The following MBD5 variants were observed in gnomAD, a reference collection of about 807,000 sequenced individuals.
MBD5 encodes methyl-CpG-binding domain protein 5.
A neutral mutation model predicts 117.3 loss-of-function variants in MBD5; 13 were observed. The ratio of observed to expected loss-of-function variants is 0.11; its 90% CI spans 0.07 to 0.18. The LOEUF is 0.18. Ranked by LOEUF, MBD5 falls within the 10% of genes least tolerant of loss-of-function variation. The probability of loss-of-function intolerance (pLI) is 1.00; values close to 1 mark genes in which losing one functional copy is unlikely to be tolerated. For missense variants in MBD5, 1,879 were observed against 2,093.8 expected, an observed-to-expected ratio of 0.90 and a Z score of 2.00; for synonymous variants, 727 against 766.4, an observed-to-expected ratio of 0.95 and a Z score of 0.85.
intron 1 of MBD5, among the ~76,000 whole-genome samples, chr2:148,045,439 CTT>C (rs996727431): frequency 6.6e-6 from 1 of 152,146 alleles, no homozygotes; most frequent in African/African-American, 2.4e-5. Context: ...TGTCTCCTCT[CTT>C]ACGAAGAACA....
chr2:148,184,817 T>G (rs1243368068), intron 2 of MBD5, among the ~76,000 whole-genome samples: 1 of 152,096 alleles, frequency 6.6e-6, no homozygotes, highest in Non-Finnish European at 1.5e-5. Context: ...GGATGGAAGG[T>G]AGGTAGAAAA....
At chr2:148,174,646 A>G (rs568175203) in intron 1 of MBD5, among the ~76,000 whole-genome samples, 1 of 152,170 alleles carries the variant, frequency 6.6e-6, no homozygotes, top group East Asian at 1.9e-4. Flanking sequence ...ACGGACCTGA[A>G]TATACATTTC....
intron 1 of MBD5, among the ~76,000 whole-genome samples, chr2:148,137,654 T>G (rs1697203487): frequency 6.6e-6 from 1 of 152,176 alleles, no homozygotes; most frequent in Non-Finnish European, 1.5e-5. Context: ...AAACTTTACC[T>G]CATAGGATGT....
intron 1 of MBD5, among the ~76,000 whole-genome samples, chr2:148,065,595 A>T (rs1238599543): frequency 1.3e-5 from 2 of 152,232 alleles, no homozygotes; most frequent in Non-Finnish European, 2.9e-5. Context: ...TTAATATAGG[A>T]TATCATAGTT....
At chr2:148,270,026 C>T (rs1463132103) in intron 3 of MBD5, among the ~76,000 whole-genome samples, 3 of 152,022 alleles carry the variant, frequency 2.0e-5, no homozygotes, top group East Asian at 3.8e-4. Context: ...ATATCCTCCT[C>T]TTGTTCATGG....
At chr2:148,467,919 A>T (rs909549357) in intron 7 of MBD5, among the ~76,000 whole-genome samples, 7 of 152,190 alleles carry the variant, frequency 4.6e-5, no homozygotes, top group Non-Finnish European at 1.5e-5. Flanking sequence ...ACAATTTTCT[A>T]TTGTAACTGC....
intron 5 of MBD5, among the ~76,000 whole-genome samples, chr2:148,461,627 A>G (rs1707085700): frequency 6.6e-6 from 1 of 152,208 alleles, no homozygotes; most frequent in African/African-American, 2.4e-5. Context: ...ACTAAAAGAT[A>G]TTCTCAAGTG....
chr2:148,390,428 T>C (rs1477602140), intron 4 of MBD5, among the ~76,000 whole-genome samples: 1 of 151,204 alleles, frequency 6.6e-6, no homozygotes, highest in African/African-American at 2.4e-5. Context: ...ATAATAATTA[T>C]ATATATATGT....
intron 1 of MBD5, among the ~76,000 whole-genome samples, chr2:148,030,369 A>G (rs893680650): frequency 2.0e-5 from 3 of 152,200 alleles, no homozygotes; most frequent in African/African-American, 4.8e-5. Flanking sequence ...GTTTAAATCC[A>G]TGGAAAGATC....
intron 1 of MBD5, among the ~76,000 whole-genome samples, chr2:148,082,005 G>T (rs1695659552): frequency 6.6e-6 from 1 of 151,936 alleles, no homozygotes; most frequent in Non-Finnish European, 1.5e-5. Flanking sequence ...TCATTTTTAG[G>T]CTCTTCTGAA....
intron 3 of MBD5, among the ~76,000 whole-genome samples, chr2:148,293,960 A>G (rs995157906): frequency 2.1e-4 from 32 of 152,174 alleles, no homozygotes; most frequent in Admixed American, 8.5e-4. Context: ...TTTTCGATCA[A>G]TTAAGGAAAG....
At chr2:148,123,247 T>C (rs970626278) in intron 1 of MBD5, among the ~76,000 whole-genome samples, 8 of 152,214 alleles carry the variant, frequency 5.3e-5, no homozygotes, top group Non-Finnish European at 1.2e-4. Flanking sequence ...TTTCAAACTT[T>C]TAAGTTAGAA....
At chr2:148,417,965 G>C (rs750789261) in intron 4 of MBD5, among the ~76,000 whole-genome samples, 13 of 151,810 alleles carry the variant, frequency 8.6e-5, no homozygotes, top group African/African-American at 3.1e-4. Flanking sequence ...TCAGCCTCAC[G>C]AGTAGCTGAG....
At chr2:148,421,567 G>A (rs979470943) in intron 4 of MBD5, among the ~76,000 whole-genome samples, 1 of 151,222 alleles carries the variant, frequency 6.6e-6, no homozygotes, top group Non-Finnish European at 1.5e-5. Flanking sequence ...ACCTGGAAAT[G>A]CCAGTGAGAC....
intron 4 of MBD5, among the ~76,000 whole-genome samples, chr2:148,412,342 GAGAC>G (rs1705284598): frequency 1.3e-5 from 2 of 148,606 alleles, no homozygotes; most frequent in African/African-American, 5.2e-5. Context: ...TATAGAGAGA[GAGAC>G]AGAGACAGAG....
intron 1 of MBD5, chr2:148,041,252 A>G (rs1447577565): frequency 2.0e-5 from 3 of 152,212 alleles, no homozygotes; most frequent in Admixed American, 6.5e-5. Context: ...TGACGACACT[A>G]CAGAATCTGG....
At chr2:148,259,391 A>G (rs1700676928) in intron 3 of MBD5, among the ~76,000 whole-genome samples, 1 of 151,884 alleles carries the variant, frequency 6.6e-6, no homozygotes, top group Non-Finnish European at 1.5e-5. Flanking sequence ...CTTGCTGGGG[A>G]CCCATCTACC....
At position 148,483,804 on chromosome 2, in the gene MBD5, G is replaced by A. The variant is rs1401977802; in HGVS notation, c.3213G>A (p.Leu1071=). The change falls in exon 9 of 14, where the codon CTG becomes CTA. Residue 1071 remains leucine (L), a synonymous_variant. Coordinates refer to ENST00000642680, the MANE Select transcript of MBD5 (RefSeq NM_001378120.1). ...FAGSDTTFNP[L]FLPAVNGASG... ...GCAGTGACACTACTTTTAACCCCCT[G>A]TTCCTCCCAGCTGTCAATGGGGCCT... 1.3e-6 allele frequency: 2 copies of A among 1,550,398 alleles called. No individual in the cohort carries two copies. Among genetic ancestry groups the A allele is most frequent in the African/African-American group, 1.4e-5 (1 of 73,022 alleles).
At chr2:148,150,844 G>A (rs1175362690) in intron 1 of MBD5, among the ~76,000 whole-genome samples, 2 of 152,154 alleles carry the variant, frequency 1.3e-5, no homozygotes, top group South Asian at 2.1e-4. Flanking sequence ...ATTTTGGGCT[G>A]AGACAATGGG....
Sources: gnomAD v4.1 joint callset for allele counts (sites outside exome capture counted in the v4.1 genomes callset) on GRCh38, gnomAD v4.1.1 for gene constraint, MANE v1.5 for transcripts, NCBI Gene and HGNC (gene_info 2026-07-23, HGNC 2026-07-21) for gene names.